The following PASD1 variants were observed in gnomAD, a reference collection of about 807,000 sequenced individuals.
The protein encoded by PASD1 is circadian clock protein PASD1.
Under a neutral mutation model 58.8 loss-of-function variants are expected in PASD1, and 13 were observed. The observed-to-expected ratio is 0.22, with a 90% confidence interval of 0.14 to 0.35. The LOEUF (loss-of-function observed/expected upper bound fraction) is 0.35. PASD1 is among the 10% of genes least tolerant of loss of function. The pLI is 1.00. For synonymous variants in PASD1, 236 were observed against 216.7 expected (o/e 1.09, Z -0.78); for missense variants, 734 against 568.3 (o/e 1.29, Z -2.96).
rs180715853 is a variant in PASD1, at chrX:151,625,543, A to G, written c.629+13A>G. ...TGGGAGAGCTCAGGTGAGAGGTAGTATTGATAAAGCTAATGAAGATCTAGA... is the reference window on the plus strand; with the variant it reads ...TGGGAGAGCTCAGGTGAGAGGTAGTGTTGATAAAGCTAATGAAGATCTAGA... On this transcript the variant is annotated intron_variant, in intron 8 of 15. Coordinates refer to ENST00000370357, the MANE Select transcript of PASD1 (RefSeq NM_173493.3). The G allele has an allele frequency of 8.0e-5, 92 of 1,147,107 alleles. No individual in the cohort carries two copies. The highest frequency in any genetic ancestry group is 4.6e-4 in the African/African-American group (26 of 56,020). The allele number at this position is 1,147,107 out of a possible 1,213,427, so 94.5% of individuals were successfully genotyped here. A position where few individuals can be genotyped will look rare whatever the true frequency, so the allele number is the denominator to read the frequency against.
Position 151,581,227 on chromosome X carries a change from C to CAAAAAAAAAAAAAAAAAAA in PASD1, c.-28+17396_-28+17414dup, listed in dbSNP as rs55664238. On this transcript the variant is annotated intron_variant, in intron 1 of 15. Coordinates refer to ENST00000370357, the MANE Select transcript of PASD1 (RefSeq NM_173493.3). ...TAGGCAACAGAGTAAAGCTCTGTATCAAAAAAAAAAAAAAAAAAAAAAAAA... is the reference window on the plus strand; with the variant it reads ...TAGGCAACAGAGTAAAGCTCTGTATCAAAAAAAAAAAAAAAAAAAAAAAAAAAAAAAAAAAAAAAAAAAA... Among the ~76,000 whole-genome samples the CAAAAAAAAAAAAAAAAAAA allele has an allele frequency of 6.3e-3, 198 of 31,490 alleles. 5 individuals carry two copies. The highest frequency in any genetic ancestry group is 0.016 in the East Asian group (3 of 188). The allele number at this position is 31,490 out of a possible 115,157, so 27.3% of individuals were successfully genotyped here. A position where few individuals can be genotyped will look rare whatever the true frequency, so the allele number is the denominator to read the frequency against.
At chrX:151,654,773 T>C (rs887854693) in intron 9 of PASD1, among the ~76,000 whole-genome samples, 1 of 111,312 alleles carries the variant, frequency 9.0e-6, no homozygotes, top group Admixed American at 9.5e-5. Flanking sequence ...GATGGTGGAA[T>C]GGTGGCAGGT....
rs770364414 is a variant in PASD1 at position 151,580,805 on chromosome X, C to A, written c.-28+16966C>A. On this transcript the variant is annotated intron_variant, in intron 1 of 15. Transcript: ENST00000370357. ...ACCATAACCCTTTGTGCATATATAT[C>A]AAGGTAGTGAGTTTTTAAATTTTAT... Among the ~76,000 whole-genome samples, 3 of 110,493 alleles carry A rather than the reference C, an allele frequency of 2.7e-5. No homozygotes were observed. In the South Asian group the frequency reaches 1.2e-3, roughly 43 times the overall value.
intron 9 of PASD1, among the ~76,000 whole-genome samples, chrX:151,653,521 T>TA (rs1445690209): frequency 1.8e-5 from 2 of 110,601 alleles, no homozygotes; most frequent in Non-Finnish European, 3.8e-5. Flanking sequence ...GAAGAGCCCT[T>TA]ACATTTGTTG....
At chrX:151,597,266 C>A (rs1396992210) in intron 1 of PASD1, among the ~76,000 whole-genome samples, 1 of 112,008 alleles carries the variant, frequency 8.9e-6, no homozygotes, top group African/African-American at 3.2e-5. Context: ...TTAGAAGCAT[C>A]CATTTGCGAA....
chrX:151,672,770 G>A lies in PASD1; in HGVS notation c.1916+109G>A, dbSNP rs752019014. ...GACGACCTATCCATGTGGCACCAGC[G>A]TCCCTCTCATCAATAGCAACTTGCT... On this transcript the variant is annotated intron_variant, in intron 14 of 15. Transcript: ENST00000370357. 24 of 1,103,541 alleles carry A rather than the reference G, an allele frequency of 2.2e-5. No individual in the cohort carries two copies. The Admixed American group carries it at 2.5e-4, about 11-fold the overall frequency. The allele number at this position is 1,103,541 out of a possible 1,213,427, so 90.9% of individuals were successfully genotyped here.
At chrX:151,615,494 A>G (rs1189547321) in intron 4 of PASD1, among the ~76,000 whole-genome samples, 1 of 112,260 alleles carries the variant, frequency 8.9e-6, no homozygotes, top group Non-Finnish European at 1.9e-5. Flanking sequence ...AAGGTTAAAA[A>G]CGACTACACC....
At chrX:151,621,258 C>T (rs1295962432) in intron 5 of PASD1, among the ~76,000 whole-genome samples, 2 of 111,453 alleles carry the variant, frequency 1.8e-5, no homozygotes, top group African/African-American at 6.5e-5. Flanking sequence ...TGTACAATTG[C>T]ATTAGTGCTA....
rs1406080597 is a variant in PASD1 at position 151,644,570 on chromosome X, A to T, written c.630-4045A>T. Among the ~76,000 whole-genome samples the T allele has an allele frequency of 4.5e-5, 5 of 111,679 alleles. No homozygotes were observed. In the Admixed American group the frequency reaches 4.8e-4, roughly 11 times the overall value. On this transcript the variant is annotated intron_variant, in intron 8 of 15. Coordinates refer to ENST00000370357, the MANE Select transcript of PASD1 (RefSeq NM_173493.3). ...AGAGAATTAAAATTACAAAAGAACA[A>T]TTGTAAAGCAAATTACAGTATTATG...
At chrX:151,631,622 C>G (rs1325791376) in intron 8 of PASD1, among the ~76,000 whole-genome samples, 2 of 111,244 alleles carry the variant, frequency 1.8e-5, no homozygotes, top group African/African-American at 6.5e-5. Flanking sequence ...CTTGCAAAGT[C>G]CTCAGAAACT....
chrX:151,622,733 T>C (rs2013731490), intron 6 of PASD1, among the ~76,000 whole-genome samples: 1 of 111,001 alleles, frequency 9.0e-6, no homozygotes, highest in South Asian at 3.8e-4. Flanking sequence ...ACCTTAACTC[T>C]CAATATTTGA....
intron 8 of PASD1, among the ~76,000 whole-genome samples, chrX:151,635,587 A>C (rs1386911058): frequency 9.8e-5 from 11 of 112,399 alleles, no homozygotes; most frequent in African/African-American, 3.6e-4. Context: ...CAATATAGTT[A>C]CTTACTTGCT....
intron 10 of PASD1, among the ~76,000 whole-genome samples, chrX:151,663,308 A>T (rs906272826): frequency 3.6e-5 from 4 of 112,217 alleles, no homozygotes; most frequent in African/African-American, 1.3e-4. Context: ...TATGACATCT[A>T]GCCTTTTTGG....
intron 4 of PASD1, among the ~76,000 whole-genome samples, chrX:151,611,983 A>C (rs1241286206): frequency 3.2e-5 from 2 of 62,872 alleles, no homozygotes; most frequent in Non-Finnish European, 5.4e-5. Context: ...CCCACCCTAC[A>C]ACAGGCCCCA....
chrX:151,646,792 A>T (rs762706334), intron 8 of PASD1, among the ~76,000 whole-genome samples: 240 of 112,791 alleles, frequency 2.1e-3, no homozygotes, highest in African/African-American at 7.5e-3. Context: ...TTATCTGTTT[A>T]TTCCTTTATT....
intron 1 of PASD1, among the ~76,000 whole-genome samples, chrX:151,586,743 G>A (rs138025713): frequency 1.1e-3 from 123 of 111,640 alleles, no homozygotes; most frequent in African/African-American, 3.6e-3. Context: ...ACTTGATGCC[G>A]TGATGATTCT....
intron 1 of PASD1, among the ~76,000 whole-genome samples, chrX:151,581,986 C>CTT (rs72381794): frequency 0.054 from 4,002 of 74,103 alleles, 248 homozygotes; most frequent in African/African-American, 0.11. Flanking sequence ...TTTCTTTTTC[C>CTT]TTTTTTTTTT....
At chrX:151,600,326 G>A (rs2013398602) in intron 1 of PASD1, among the ~76,000 whole-genome samples, 1 of 109,658 alleles carries the variant, frequency 9.1e-6, no homozygotes. Flanking sequence ...AGGGGGAGGG[G>A]GAGGGGGAGA....
chrX:151,622,892 A>G, intron 6 of PASD1, 45 bp from the exon 7 acceptor site: 3 of 1,164,964 alleles, frequency 2.6e-6, no homozygotes, highest in Non-Finnish European at 3.5e-6. Flanking sequence ...TTCTTGTTTA[A>G]CTGGTCCACC....
Sources: gnomAD v4.1 joint callset for allele counts (sites outside exome capture counted in the v4.1 genomes callset) on GRCh38, gnomAD v4.1.1 for gene constraint, MANE v1.5 for transcripts, NCBI Gene and HGNC (gene_info 2026-07-23, HGNC 2026-07-21) for gene names.